KIAA1217: variants seen among roughly 807,000 people sequenced by gnomAD.
The protein encoded by KIAA1217 is sickle tail protein homolog.
KIAA1217 carries 88 observed loss-of-function variants against 163.9 expected under a neutral mutation model. The ratio of observed to expected loss-of-function variants is 0.54; its 90% CI spans 0.45 to 0.64. The LOEUF (loss-of-function observed/expected upper bound fraction) is 0.64. Among genes scored for constraint, KIAA1217 ranks in the 30% least tolerant of loss-of-function variants. The probability of loss-of-function intolerance (pLI) is 0.00; values close to 1 mark genes in which losing one functional copy is unlikely to be tolerated. For synonymous variants in KIAA1217, 903 were observed against 923.1 expected, an observed-to-expected ratio of 0.98 and a Z score of 0.39; for missense variants, 2,372 against 2,475.0, an observed-to-expected ratio of 0.96 and a Z score of 0.88.
chr10:24,005,470 A>G (rs1846951465), intron 1 of KIAA1217, among the ~76,000 whole-genome samples: 1 of 152,008 alleles, frequency 6.6e-6, no homozygotes, highest in African/African-American at 2.4e-5. Flanking sequence ...CAAAATAATC[A>G]CTCCTTCACC....
intron 2 of KIAA1217, among the ~76,000 whole-genome samples, chr10:24,273,676 A>G (rs1208082925): frequency 6.6e-6 from 1 of 151,896 alleles, no homozygotes; most frequent in Non-Finnish European, 1.5e-5. Context: ...ACATAGTGAA[A>G]CCCTGTCTCT....
At chr10:23,901,848 T>A (rs1589043460) in intron 1 of KIAA1217, among the ~76,000 whole-genome samples, 1 of 149,810 alleles carries the variant, frequency 6.7e-6, no homozygotes, top group African/African-American at 2.5e-5. Context: ...GAGGTGGAGA[T>A]TGGAGTGAGT....
intron 1 of KIAA1217, among the ~76,000 whole-genome samples, chr10:23,997,965 T>A (rs1589212357): frequency 6.8e-6 from 1 of 148,026 alleles, no homozygotes; most frequent in Non-Finnish European, 1.5e-5. Flanking sequence ...AGCCAGGAGG[T>A]ATGGAGAAGG....
rs140644447 is a variant in KIAA1217 at position 24,193,718 on chromosome 10, C to G, written c.-170-25908C>G. On this transcript the variant is annotated intron_variant, in intron 2 of 18. Coordinates refer to the KIAA1217 transcript ENST00000376462. ...GTCAACAGTAAATGAGGAAAGTGCT[C>G]AGTTCTTAACATTTGACAGTTAGAG... Among the ~76,000 whole-genome samples, 247 of 151,998 alleles carry G rather than the reference C, an allele frequency of 1.6e-3. 5 individuals carry two copies. Among genetic ancestry groups the G allele is most frequent in the Middle Eastern group, 0.01 (3 of 294 alleles).
At chr10:24,369,590 C>A (rs557136319) in intron 2 of KIAA1217, among the ~76,000 whole-genome samples, 7 of 152,238 alleles carry the variant, frequency 4.6e-5, no homozygotes, top group African/African-American at 1.4e-4. Flanking sequence ...CCATAAAGCA[C>A]TGAAGCCTAG....
At chr10:23,881,906 T>A (rs991147561) in intron 1 of KIAA1217, among the ~76,000 whole-genome samples, 2 of 151,930 alleles carry the variant, frequency 1.3e-5, no homozygotes, top group African/African-American at 4.8e-5. Context: ...GCTTATGTTC[T>A]GATGTCTGAT....
intron 20 of KIAA1217, 42 bp downstream of exon 20, chr10:24,545,145 A>G: frequency 1.2e-6 from 2 of 1,610,924 alleles, no homozygotes; most frequent in Admixed American, 1.7e-5. Flanking sequence ...ACGCTATTTC[A>G]GTTAAGCAAG....
At chr10:24,180,184 A>C (rs1589799605) in intron 2 of KIAA1217, among the ~76,000 whole-genome samples, 1 of 151,634 alleles carries the variant, frequency 6.6e-6, no homozygotes, top group Non-Finnish European at 1.5e-5. Context: ...GGCTTCTTTT[A>C]AGGTGGCTTA....
chr10:24,078,214 G>A (rs1564673678), intron 2 of KIAA1217, among the ~76,000 whole-genome samples: 1 of 152,112 alleles, frequency 6.6e-6, no homozygotes, highest in African/African-American at 2.4e-5. Flanking sequence ...TACCATAGAG[G>A]TTAAGAGAAG....
intron 2 of KIAA1217, among the ~76,000 whole-genome samples, chr10:24,119,878 T>C (rs530073001): frequency 4.8e-4 from 73 of 152,304 alleles, no homozygotes; most frequent in African/African-American, 1.7e-3. Flanking sequence ...TTCCTACACA[T>C]CCCAGGTCCC....
At chr10:23,733,474 G>A (rs1838598106) in intron 1 of KIAA1217, among the ~76,000 whole-genome samples, 2 of 152,002 alleles carry the variant, frequency 1.3e-5, no homozygotes, top group South Asian at 4.2e-4. Flanking sequence ...CTATAAAATG[G>A]CATAGTATTT....
At chr10:23,774,237 A>G (rs1482985275) in intron 1 of KIAA1217, among the ~76,000 whole-genome samples, 3 of 152,240 alleles carry the variant, frequency 2.0e-5, no homozygotes, top group Non-Finnish European at 4.4e-5. Context: ...TTCCCTGTGA[A>G]AACACTTCAT....
At chr10:23,961,102 C>T (rs1844800841) in intron 1 of KIAA1217, among the ~76,000 whole-genome samples, 1 of 152,130 alleles carries the variant, frequency 6.6e-6, no homozygotes, top group South Asian at 2.1e-4. Flanking sequence ...TTTCATAGGT[C>T]ACTAAGGACT....
intron 2 of KIAA1217, among the ~76,000 whole-genome samples, chr10:24,337,804 C>T (rs777857428): frequency 2.6e-5 from 4 of 151,706 alleles, no homozygotes; most frequent in South Asian, 2.1e-4. Flanking sequence ...CCACCATGCC[C>T]GGCTAATTTT....
chr10:24,194,414 T>G (rs1031270820), intron 2 of KIAA1217, among the ~76,000 whole-genome samples: 2 of 141,974 alleles, frequency 1.4e-5, no homozygotes, highest in African/African-American at 5.2e-5. Context: ...CTCAACCTCC[T>G]GGCCTCAAGC....
rs75116218 is a variant in KIAA1217, at chr10:24,219,530, A to G, written c.71-96A>G. On this transcript the variant is annotated intron_variant, in intron 1 of 20. Coordinates refer to ENST00000376454, the MANE Select transcript of KIAA1217 (RefSeq NM_019590.5). ...AAAAAGATTTGCGAAGTTAACATTCATACATTAACAACTGCCGCAAACCCT... is the reference window on the plus strand; with the variant it reads ...AAAAAGATTTGCGAAGTTAACATTCGTACATTAACAACTGCCGCAAACCCT... 1,930 of 962,836 alleles carry G rather than the reference A, an allele frequency of 2.0e-3. 29 individuals carry two copies. In the African/African-American group the frequency reaches 0.029, roughly 14 times the overall value. The allele number at this position is 962,836 out of a possible 1,614,324, so 59.6% of individuals were successfully genotyped here. A position where few individuals can be genotyped will look rare whatever the true frequency, so the allele number is the denominator to read the frequency against.
At chr10:23,769,318 T>C (rs752256273) in intron 1 of KIAA1217, among the ~76,000 whole-genome samples, 1 of 152,178 alleles carries the variant, frequency 6.6e-6, no homozygotes, top group Non-Finnish European at 1.5e-5. Flanking sequence ...AGCTGATCCA[T>C]TATGTGCAGG....
intron 2 of KIAA1217, among the ~76,000 whole-genome samples, chr10:24,338,895 T>C (rs950311601): frequency 6.6e-6 from 1 of 152,126 alleles, no homozygotes; most frequent in Non-Finnish European, 1.5e-5. Context: ...TATAGAAAAA[T>C]ATAAACCAAG....
At chr10:23,722,340 A>G (rs1837916673) in intron 1 of KIAA1217, among the ~76,000 whole-genome samples, 2 of 152,200 alleles carry the variant, frequency 1.3e-5, no homozygotes, top group Non-Finnish European at 2.9e-5. Flanking sequence ...TGAACTGTAC[A>G]GTTAAAAATG....
Sources: allele counts gnomAD v4.1 joint callset (sites outside exome capture counted in the v4.1 genomes callset), GRCh38; gene constraint gnomAD v4.1.1; transcripts MANE v1.5; gene names NCBI Gene and HGNC (gene_info 2026-07-23, HGNC 2026-07-21).